Variants in ERLEC1 observed in about 807,000 individuals in gnomAD.
ERLEC1 encodes the protein endoplasmic reticulum lectin 1, also known as ER lectin.
A neutral mutation model predicts 68.0 loss-of-function variants in ERLEC1; 47 were observed. That is an observed-to-expected ratio of 0.69 (90% CI 0.55 to 0.88). The LOEUF (loss-of-function observed/expected upper bound fraction) is 0.88, where lower values mean the gene tolerates loss of function less well. Ranked by LOEUF, ERLEC1 falls within the 40% of genes least tolerant of loss-of-function variation. The pLI, the probability that ERLEC1 is intolerant of heterozygous loss-of-function variation, is 0.00. For synonymous variants in ERLEC1, 225 were observed against 203.2 expected, an observed-to-expected ratio of 1.11 and a Z score of -0.91; for missense variants, 567 against 583.8, an observed-to-expected ratio of 0.97 and a Z score of 0.30.
chr2:53,798,310 G>A (rs572149854), intron 5 of ERLEC1, among the ~76,000 whole-genome samples: 41 of 151,728 alleles, frequency 2.7e-4, no homozygotes, highest in African/African-American at 8.5e-4. Context: ...CACCCAGGCC[G>A]GAGTGCGGTG....
Position 53,799,092 on chromosome 2 carries a change from G to A in ERLEC1, c.525+11G>A, listed in dbSNP as rs1404441579. The stretch of plus-strand genomic sequence containing the variant: ...GAAAAATCAAATGAGGCAAGTGACA[G>A]ATGTTGATTTTTTTCCTCTTAACAC... On this transcript the variant is annotated intron_variant, in intron 6 of 13. Transcript: ENST00000185150. The A allele has an allele frequency of 6.2e-7, 1 of 1,610,228 alleles. No homozygotes were observed. Among genetic ancestry groups the A allele is most frequent in the African/African-American group, 1.3e-5 (1 of 74,992 alleles).
intron 8 of ERLEC1, among the ~76,000 whole-genome samples, chr2:53,803,202 C>T (rs1355096121): frequency 6.6e-6 from 1 of 152,190 alleles, no homozygotes; most frequent in Non-Finnish European, 1.5e-5. Flanking sequence ...TTCTTTGCTT[C>T]CTCTTGAGTA....
intron 8 of ERLEC1, among the ~76,000 whole-genome samples, chr2:53,805,518 G>C (rs761162800): frequency 6.6e-6 from 1 of 152,072 alleles, no homozygotes; most frequent in African/African-American, 2.4e-5. Context: ...GCAGCTGGAC[G>C]ACCCTACATT....
At chr2:53,801,680 G>T in intron 7 of ERLEC1, 33 bp from the exon 8 acceptor site, 4 of 1,613,566 alleles carry the variant, frequency 2.5e-6, no homozygotes, top group Non-Finnish European at 3.4e-6. Context: ...AGTGTTCTGT[G>T]CATAGCTTTA....
chr2:53,795,916 C>T lies in ERLEC1; in HGVS notation c.268-17C>T, dbSNP rs774148067. ...TTCTAGAAAAACTGTAAGTATTAAA[C>T]TCCAATTCTTTCTTAGGAAGAAGAA... On this transcript the variant is annotated splice_polypyrimidine_tract_variant and intron_variant, in intron 2 of 13. Coordinates refer to ENST00000185150, the MANE Select transcript of ERLEC1 (RefSeq NM_015701.5). The T allele has an allele frequency of 1.3e-6, 2 of 1,551,502 alleles. No homozygotes were observed. The highest frequency in any genetic ancestry group is 1.9e-5 in the Admixed American group (1 of 52,282).
At chr2:53,791,787 C>T (rs2542588) in intron 1 of ERLEC1, among the ~76,000 whole-genome samples, 75,225 of 151,608 alleles carry the variant, frequency 0.5, 18,887 homozygotes, top group East Asian at 0.62. Flanking sequence ...TGTTATGTCT[C>T]ATAGCAAATC....
chr2:53,793,338 G>C (rs775350684), intron 1 of ERLEC1, among the ~76,000 whole-genome samples: 1 of 152,138 alleles, frequency 6.6e-6, no homozygotes, highest in Non-Finnish European at 1.5e-5. Context: ...AAAGCTTTAA[G>C]GATAATTTTG....
At chr2:53,814,815 A>G (rs770610697) in intron 12 of ERLEC1, 45 bp from the exon 13 acceptor site, 1 of 1,410,010 alleles carries the variant, frequency 7.1e-7, no homozygotes. Flanking sequence ...CAGTGATCTT[A>G]CTTTAAATGA....
At chr2:53,793,956 G>A (rs79616368) in intron 1 of ERLEC1, among the ~76,000 whole-genome samples, 4,382 of 152,196 alleles carry the variant, frequency 0.029, 66 homozygotes, top group Non-Finnish European at 0.039. Context: ...AATACCGTAT[G>A]TTTTCATTTA....
In ERLEC1 at chr2:53,808,399, C is replaced by T; in HGVS notation, c.980C>T (p.Ser327Phe). ...PVLTVGTTHI[S>F]KLTDDQLIKE... ...CTCACTGTTGGGACAACCCACATAT[C>T]CAAATTGACAGATGACCAACTCATA... The change falls in exon 9 of 14, where the codon TCC becomes TTC. Residue 327 changes from serine to phenylalanine, a missense_variant. Ser to Phe is a radical substitution (Grantham distance 155, BLOSUM62 -2). Transcript: ENST00000185150. The T allele has an allele frequency of 6.2e-7, 1 of 1,614,180 alleles. No homozygotes were observed. The highest frequency in any genetic ancestry group is 8.5e-7 in the Non-Finnish European group (1 of 1,180,034).
chr2:53,806,350 C>A (rs529822188), intron 8 of ERLEC1, among the ~76,000 whole-genome samples: 9 of 152,282 alleles, frequency 5.9e-5, no homozygotes, highest in Admixed American at 2.0e-4. Flanking sequence ...GCCACCTCTT[C>A]CCCTTATCTC....
chr2:53,796,407 T>C (rs111303629), intron 3 of ERLEC1, among the ~76,000 whole-genome samples: 1 of 152,092 alleles, frequency 6.6e-6, no homozygotes, highest in African/African-American at 2.4e-5. Flanking sequence ...CTGTTCCTAT[T>C]GTATCAGATG....
intron 13 of ERLEC1, 66 bp from the exon 14 acceptor site, chr2:53,817,832 C>A: frequency 1.1e-6 from 1 of 886,082 alleles, no homozygotes; most frequent in Non-Finnish European, 1.9e-6. Flanking sequence ...TGTATCCATT[C>A]AGCAGAATAG....
At position 53,787,863 on chromosome 2, in the gene ERLEC1, A is replaced by G. The variant is rs117189271; in HGVS notation, c.162+491A>G. On this transcript the variant is annotated intron_variant, in intron 1 of 13. Coordinates refer to ENST00000185150, the MANE Select transcript of ERLEC1 (RefSeq NM_015701.5). ...GGACATACGCAAACGCACAGCTCCA[A>G]GGGAACTTTTTCCTTTCCTAGTTGT... Among the ~76,000 whole-genome samples the G allele has an allele frequency of 5.3e-4, 80 of 152,324 alleles. No homozygotes were observed. In the East Asian group the frequency reaches 0.013, roughly 25 times the overall value.
chr2:53,807,388 A>C (rs989136017), intron 8 of ERLEC1, among the ~76,000 whole-genome samples: 2 of 148,162 alleles, frequency 1.3e-5, no homozygotes, highest in South Asian at 2.2e-4. Flanking sequence ...CTGTGAGTCT[A>C]CTGTCCTCTG....
At position 53,801,445 on chromosome 2, in the gene ERLEC1, G is replaced by A. The variant is rs1218657340; in HGVS notation, c.574G>A (p.Gly192Arg). The change falls in exon 7 of 14, where the codon GGA becomes AGA. Residue 192 changes from glycine (G) to arginine (R), a missense_variant. Gly to Arg is a moderately radical substitution (Grantham distance 125, BLOSUM62 -2). Coordinates refer to ENST00000185150, the MANE Select transcript of ERLEC1 (RefSeq NM_015701.5). ...EGQMTPYYPVGMGNGTPCSLK... is the reference protein window; with the variant it reads ...EGQMTPYYPVRMGNGTPCSLK... Reference sequence around the variant, plus strand: ...TCAGATGACACCATACTATCCTGTGGGAATGGGAAATGGTACACCTTGTAG... The same window carrying A: ...TCAGATGACACCATACTATCCTGTGAGAATGGGAAATGGTACACCTTGTAG... 1.2e-6 allele frequency: 2 copies of A among 1,613,860 alleles called. No homozygotes were observed. Among genetic ancestry groups the A allele is most frequent in the Non-Finnish European group, 1.7e-6 (2 of 1,179,916 alleles).
chr2:53,797,468 C>G (rs779604804), intron 3 of ERLEC1, 47 bp from the exon 4 acceptor site: 1 of 1,406,776 alleles, frequency 7.1e-7, no homozygotes, highest in Non-Finnish European at 9.8e-7. Flanking sequence ...AGTAATTCAG[C>G]TGAGTTATGT....
chr2:53,812,917 A>T, intron 10 of ERLEC1, 32 bp from the exon 11 acceptor site: 1 of 1,597,898 alleles, frequency 6.3e-7, no homozygotes, highest in Admixed American at 1.9e-5. Flanking sequence ...GATATCAAGC[A>T]CGCATTATCA....
intron 1 of ERLEC1, 107 bp downstream of exon 1, chr2:53,787,479 C>CTCT: frequency 1.5e-6 from 2 of 1,338,584 alleles, no homozygotes; most frequent in Non-Finnish European, 2.0e-6. Context: ...TCTCTGCAGA[C>CTCT]TCTTACCTTC....
Sources: allele counts gnomAD v4.1 joint callset (sites outside exome capture counted in the v4.1 genomes callset), GRCh38; gene constraint gnomAD v4.1.1; transcripts MANE v1.5; gene names NCBI Gene and HGNC (gene_info 2026-07-23, HGNC 2026-07-21).